The following TDP1 variants were observed in gnomAD, a reference collection of about 807,000 sequenced individuals.
TDP1 encodes the protein tyrosyl-DNA phosphodiesterase 1.
Under a neutral mutation model 81.5 loss-of-function variants are expected in TDP1, and 64 were observed. The ratio of observed to expected loss-of-function variants is 0.79; its 90% CI spans 0.64 to 0.97. The LOEUF (loss-of-function observed/expected upper bound fraction) is 0.97. Among genes scored for constraint, TDP1 ranks in the 50% least tolerant of loss-of-function variants. The pLI, the probability that TDP1 is intolerant of heterozygous loss-of-function variation, is 0.00. For missense variants in TDP1, 723 were observed against 743.8 expected (o/e 0.97, Z 0.33); for synonymous variants, 256 against 264.3 (o/e 0.97, Z 0.30).
chr14:90,021,790 G>A (rs1886118634), intron 15 of TDP1, among the ~76,000 whole-genome samples: 1 of 152,184 alleles, frequency 6.6e-6, no homozygotes, highest in Non-Finnish European at 1.5e-5. Flanking sequence ...TCTAGACTAT[G>A]CCAACTGATT....
At position 90,043,208 on chromosome 14, in the gene TDP1, T is replaced by C; in HGVS notation, c.*65T>C. 1 of 1,599,808 alleles carries C rather than the reference T, an allele frequency of 6.3e-7. No individual in the cohort carries two copies. The highest frequency in any genetic ancestry group is 8.6e-7 in the Non-Finnish European group (1 of 1,168,356). On this transcript the variant is annotated 3_prime_UTR_variant, in exon 17 of 17. Transcript: ENST00000335725. ...AGCCACAAACATGGAATCTCTTCTT[T>C]GTACTGGATGTCCACTTCCCTTAAA...
At chr14:90,000,807 C>T (rs1897125839) in intron 14 of TDP1, among the ~76,000 whole-genome samples, 1 of 152,180 alleles carries the variant, frequency 6.6e-6, no homozygotes, top group Non-Finnish European at 1.5e-5. Flanking sequence ...TACCCTTGTA[C>T]ACACTCAAAA....
chr14:90,043,314 C>A lies in TDP1; in HGVS notation c.*171C>A. The A allele has an allele frequency of 1.4e-6, 1 of 727,418 alleles. No individual in the cohort carries two copies. Among genetic ancestry groups the A allele is most frequent in the Non-Finnish European group, 2.3e-6 (1 of 429,132 alleles). The allele number at this position is 727,418 out of a possible 1,614,324, so 45.1% of individuals were successfully genotyped here. A position where few individuals can be genotyped will look rare whatever the true frequency, so the allele number is the denominator to read the frequency against. On this transcript the variant is annotated 3_prime_UTR_variant, in exon 17 of 17. Transcript: ENST00000335725. ...TGGTTATACTTTTAATGGACATTAA[C>A]ATTCCTAATAAAGTATTAGTTTCTT...
chr14:89,968,132 A>T (rs925256724), intron 5 of TDP1, among the ~76,000 whole-genome samples: 1 of 149,216 alleles, frequency 6.7e-6, no homozygotes, highest in Non-Finnish European at 1.5e-5. Flanking sequence ...TGCTGTTAAA[A>T]TTTTTCAAGC....
At chr14:89,971,324 CT>C in intron 6 of TDP1, 53 bp downstream of exon 6, 1 of 1,371,942 alleles carries the variant, frequency 7.3e-7, no homozygotes. Context: ...TAGAAGGAAA[CT>C]TAGACATTTA....
At chr14:90,034,108 GA>G (rs1476926459) in intron 16 of TDP1, among the ~76,000 whole-genome samples, 1 of 152,084 alleles carries the variant, frequency 6.6e-6, no homozygotes, top group Non-Finnish European at 1.5e-5. Context: ...CCAAAAAGAA[GA>G]AAATAGCAAG....
chr14:89,985,258 A>T, intron 10 of TDP1, 48 bp downstream of exon 10: 1 of 1,083,462 alleles, frequency 9.2e-7, no homozygotes, highest in Non-Finnish European at 1.4e-6. Context: ...TTTAATGTAT[A>T]TTCTCTCTTT....
At position 90,036,332 on chromosome 14, in the gene TDP1, G is replaced by C. The variant is rs891511851; in HGVS notation, c.1753+3118G>C. Among the ~76,000 whole-genome samples the C allele has an allele frequency of 3.9e-5, 6 of 152,150 alleles. No individual in the cohort carries two copies. The East Asian group carries it at 1.2e-3, about 29-fold the overall frequency. ...TTCCTGGGAAGCCATATGGACTATA[G>C]AAAGGCATTTACCAAGATTGAAAAA... On this transcript the variant is annotated intron_variant, in intron 16 of 16. Transcript: ENST00000335725.
At chr14:89,992,107 T>C in intron 13 of TDP1, 124 bp downstream of exon 13, 1 of 774,548 alleles carries the variant, frequency 1.3e-6, no homozygotes. Context: ...TTCATCTACA[T>C]ATGTTAGTGA....
At chr14:90,023,218 T>TA (rs1367861131) in intron 15 of TDP1, 5 of 657,144 alleles carry the variant, frequency 7.6e-6, no homozygotes, top group Non-Finnish European at 2.8e-6. Flanking sequence ...AAGGCTTTGT[T>TA]AAGGAGGTGG....
intron 6 of TDP1, 98 bp from the exon 7 acceptor site, chr14:89,975,682 TA>T (rs1263103295): frequency 2.3e-3 from 2,408 of 1,061,926 alleles, no homozygotes; most frequent in Middle Eastern, 2.8e-3. Flanking sequence ...AAAATAGTTT[TA>T]AAAAAAAAAG....
At chr14:90,041,901 C>A (rs138759575) in intron 16 of TDP1, among the ~76,000 whole-genome samples, 2 of 152,190 alleles carry the variant, frequency 1.3e-5, no homozygotes, top group African/African-American at 4.8e-5. Context: ...TTATTGAGCA[C>A]CTACAACAGG....
In TDP1 at chr14:90,043,110, G is replaced by A. The variant is rs748163165; in HGVS notation, c.1794G>A (p.Pro598=). The A allele has an allele frequency of 3.1e-5, 50 of 1,614,144 alleles. No homozygotes were observed. Among genetic ancestry groups the A allele is most frequent in the South Asian group, 1.2e-4 (11 of 91,080 alleles). ...WIWNIPYVKA[P]DTHGNMWVPS is the part of the protein sequence containing the mutation. ...GGAACATTCCTTATGTCAAAGCACC[G>A]GATACGCATGGGAACATGTGGGTGC... The change falls in exon 17 of 17, where the codon CCG becomes CCA. Residue 598 remains proline (P), a synonymous_variant. Transcript: ENST00000335725.
chr14:89,984,369 A>C, intron 8 of TDP1, 147 bp from the exon 9 acceptor site: 1 of 1,541,264 alleles, frequency 6.5e-7, no homozygotes, highest in Admixed American at 1.9e-5. Context: ...TGGTGTTCTC[A>C]GATTTATGTT....
At chr14:89,970,580 G>A (rs8016664) in intron 5 of TDP1, among the ~76,000 whole-genome samples, 193 of 151,900 alleles carry the variant, frequency 1.3e-3, no homozygotes, top group African/African-American at 4.4e-3. Flanking sequence ...CTTATGTGCC[G>A]TTTTGGGCCA....
chr14:90,005,185 T>C (rs1405382970), intron 14 of TDP1, among the ~76,000 whole-genome samples: 2 of 152,162 alleles, frequency 1.3e-5, no homozygotes. Flanking sequence ...AAGACATTTG[T>C]TTCTGCTTTC....
chr14:89,975,947 G>A, intron 7 of TDP1, 132 bp downstream of exon 7: 1 of 776,386 alleles, frequency 1.3e-6, no homozygotes, highest in South Asian at 1.4e-5. Context: ...CTGAGCCTGG[G>A]GGAGCTATTC....
At chr14:89,963,926 T>G (rs1285492068) in intron 3 of TDP1, among the ~76,000 whole-genome samples, 5 of 152,240 alleles carry the variant, frequency 3.3e-5, no homozygotes, top group Non-Finnish European at 5.9e-5. Flanking sequence ...TTTAGCATTA[T>G]TTAACTTTTT....
rs531539156 is a variant in TDP1, at chr14:89,961,734, A to G, written c.-7-1374A>G. Among the ~76,000 whole-genome samples, 5 of 152,248 alleles carry G rather than the reference A, an allele frequency of 3.3e-5. No individual in the cohort carries two copies. In the South Asian group the frequency reaches 1.0e-3, roughly 32 times the overall value. On this transcript the variant is annotated intron_variant, in intron 2 of 16. Transcript: ENST00000335725. ...TTAGTTCTCATCTAGAGACATATGCATATGTATTGATTTGCAAATCTTTTG... is the reference window on the plus strand; with the variant it reads ...TTAGTTCTCATCTAGAGACATATGCGTATGTATTGATTTGCAAATCTTTTG...
Sources: gnomAD v4.1 joint callset for allele counts (sites outside exome capture counted in the v4.1 genomes callset) on GRCh38, gnomAD v4.1.1 for gene constraint, MANE v1.5 for transcripts, NCBI Gene and HGNC (gene_info 2026-07-23, HGNC 2026-07-21) for gene names.